Variants in HNRNPK observed in about 807,000 individuals in gnomAD.
HNRNPK encodes dC-stretch binding protein.
In HNRNPK, 7 loss-of-function variants were observed where a neutral mutation model predicts 67.0. The ratio of observed to expected loss-of-function variants is 0.10; its 90% confidence interval spans 0.06 to 0.20. The LOEUF (loss-of-function observed/expected upper bound fraction) is 0.20. HNRNPK is among the 10% of genes least tolerant of loss of function. The probability of loss-of-function intolerance (pLI) is 1.00; values close to 1 mark genes in which losing one functional copy is unlikely to be tolerated. For synonymous variants in HNRNPK, 213 were observed against 193.7 expected, an observed-to-expected ratio of 1.10 and a Z score of -0.83; for missense variants, 264 against 606.5, an observed-to-expected ratio of 0.44 and a Z score of 5.93.
chr9:83,977,567 A>G (rs1437275907), intron 4 of HNRNPK, 122 bp downstream of exon 4: 7 of 611,756 alleles, frequency 1.1e-5, no homozygotes, highest in Non-Finnish European at 1.1e-5. Context: ...GTCTGTTTAG[A>G]AAGAACCAAA....
At chr9:83,970,098 A>G (rs1370134934) in intron 16 of HNRNPK, 64 bp downstream of exon 16, 1 of 1,356,456 alleles carries the variant, frequency 7.4e-7, no homozygotes, top group East Asian at 2.3e-5. Flanking sequence ...AAATCAATTG[A>G]GAAGAAAAGC....
intron 1 of HNRNPK, 95 bp from the exon 2 acceptor site, chr9:83,978,547 A>T: frequency 3.7e-6 from 1 of 272,116 alleles, no homozygotes; most frequent in Non-Finnish European, 6.5e-6. Context: ...GAACCCAAAA[A>T]ACCAGCTGTT....
chr9:83,974,939 G>C (rs1194921630), intron 6 of HNRNPK, among the ~76,000 whole-genome samples: 1 of 152,206 alleles, frequency 6.6e-6, no homozygotes, highest in African/African-American at 2.4e-5. Context: ...GGTAAAACTG[G>C]CACACCTTCT....
chr9:83,970,997 G>C (rs560688238), intron 13 of HNRNPK, 85 bp from the exon 14 acceptor site: 1 of 1,362,968 alleles, frequency 7.3e-7, no homozygotes, highest in African/African-American at 1.4e-5. Context: ...TAATAAAATG[G>C]AGTCTTGCTA....
chr9:83,971,399 T>C (rs372452841), intron 12 of HNRNPK, 43 bp from the exon 13 acceptor site: 4 of 1,345,700 alleles, frequency 3.0e-6, no homozygotes, highest in South Asian at 1.2e-5. Context: ...CATTGTATTT[T>C]GTTATAGAGC....
intron 12 of HNRNPK, 125 bp downstream of exon 12, chr9:83,971,547 A>C: frequency 1.2e-6 from 1 of 853,564 alleles, no homozygotes. Flanking sequence ...TTATTTAACT[A>C]GTAATCCAAA....
At position 83,969,270 on chromosome 9, in the gene HNRNPK, G is replaced by A; in HGVS notation, c.*137C>T. ...TACACCTCAAATGCAGAACACCTAT[G>A]AAGCAGAGGAATGTTGGCTTTTTAA... On this transcript the variant is annotated 3_prime_UTR_variant, in exon 17 of 17. Transcript: ENST00000376263. 1.4e-6 allele frequency: 1 copy of A among 738,004 alleles called. No individual in the cohort carries two copies. The highest frequency in any genetic ancestry group is 1.5e-5 in the South Asian group (1 of 66,448). 45.7% of individuals were successfully genotyped at this position (738,004 alleles called of 1,614,324 possible).
At chr9:83,977,539 A>C in intron 4 of HNRNPK, 150 bp downstream of exon 4, 1 of 564,928 alleles carries the variant, frequency 1.8e-6, no homozygotes. Context: ...GGAATAAGAA[A>C]ACCACCAGAG....
At chr9:83,975,395 A>C in intron 6 of HNRNPK, 67 bp downstream of exon 6, 1 of 1,333,668 alleles carries the variant, frequency 7.5e-7, no homozygotes. Context: ...ATTATATAAA[A>C]GGCAGGTAAT....
chr9:83,977,823 G>T, intron 3 of HNRNPK, 37 bp from the exon 4 acceptor site: 1 of 1,313,096 alleles, frequency 7.6e-7, no homozygotes, highest in East Asian at 2.3e-5. Flanking sequence ...AGAAAGCAGC[G>T]AAGTCTCCAA....
At chr9:83,978,608 A>C (rs1235254019) in intron 1 of HNRNPK, among the ~76,000 whole-genome samples, 156 bp from the exon 2 acceptor site, 1 of 152,184 alleles carries the variant, frequency 6.6e-6, no homozygotes, top group African/African-American at 2.4e-5. Context: ...ATGACTGCCT[A>C]AAAAATACAA....
Position 83,977,176 on chromosome 9 carries a change from G to A in HNRNPK, c.157-125C>T, listed in dbSNP as rs373379318. On this transcript the variant is annotated intron_variant, in intron 4 of 16. Transcript: ENST00000376263. ...TTATAAGAATAAAAATCTATTTGGG[G>A]TTGTAAAAACGACCAGGCCAAAACC... 4.5e-6 allele frequency: 3 copies of A among 669,854 alleles called. 1 individual carries two copies. The allele number at this position is 669,854 out of a possible 1,614,324, so 41.5% of individuals were successfully genotyped here. A position where few individuals can be genotyped will look rare whatever the true frequency, so the allele number is the denominator to read the frequency against.
Position 83,976,853 on chromosome 9 carries a change from G to A in HNRNPK, c.213+142C>T, listed in dbSNP as rs9987602. On this transcript the variant is annotated intron_variant, in intron 5 of 16. Transcript: ENST00000376263. ...TGTTAAAACAGGAATGGATAACTTC[G>A]AAATCAATTCTGTAATAATAAATTA... 1.2e-3 allele frequency: 644 copies of A among 528,852 alleles called. 4 individuals carry two copies. Among genetic ancestry groups the A allele is most frequent in the African/African-American group, 0.01 (545 of 52,080 alleles). 32.8% of individuals were successfully genotyped at this position (528,852 alleles called of 1,614,324 possible).
At chr9:83,976,902 C>A in intron 5 of HNRNPK, 93 bp downstream of exon 5, 5 of 701,814 alleles carry the variant, frequency 7.1e-6, no homozygotes, top group Admixed American at 2.5e-5. Context: ...TGTAGCTAAA[C>A]TATGAAATGA....
chr9:83,971,843 G>A, intron 11 of HNRNPK, 39 bp downstream of exon 11: 2 of 1,561,086 alleles, frequency 1.3e-6, no homozygotes, highest in East Asian at 4.5e-5. Flanking sequence ...TTCATAGATG[G>A]GGGAAGAAAA....
In HNRNPK at chr9:83,970,921, A is replaced by G; in HGVS notation, c.1093-9T>C. 1 of 1,612,046 alleles carries G rather than the reference A, an allele frequency of 6.2e-7. No homozygotes were observed. Among genetic ancestry groups the G allele is most frequent in the South Asian group, 1.1e-5 (1 of 90,938 alleles). Reference sequence around the variant, plus strand: ...CCATATCCGGAGCCACCCTAAAAACAGAAAGAAAAAAATAGAAAATTACTT... The same window carrying G: ...CCATATCCGGAGCCACCCTAAAAACGGAAAGAAAAAAATAGAAAATTACTT... On this transcript the variant is annotated splice_polypyrimidine_tract_variant and intron_variant, in intron 13 of 16. Coordinates refer to ENST00000376263, the MANE Select transcript of HNRNPK (RefSeq NM_031263.4).
At chr9:83,972,673 C>A (rs910725529) in intron 10 of HNRNPK, among the ~76,000 whole-genome samples, 171 bp downstream of exon 10, 1 of 152,208 alleles carries the variant, frequency 6.6e-6, no homozygotes, top group Non-Finnish European at 1.5e-5. Context: ...CCACTCTCCA[C>A]TTTTTCAAAA....
At chr9:83,977,544 C>T in intron 4 of HNRNPK, 145 bp downstream of exon 4, 1 of 572,718 alleles carries the variant, frequency 1.7e-6, no homozygotes, top group Non-Finnish European at 3.0e-6. Flanking sequence ...AAGAAAACCA[C>T]CAGAGCCTTC....
intron 13 of HNRNPK, 166 bp from the exon 14 acceptor site, chr9:83,971,078 A>T: frequency 1.3e-6 from 1 of 752,520 alleles, no homozygotes; most frequent in Non-Finnish European, 2.3e-6. Flanking sequence ...TGTAGTTGGG[A>T]TTATGAGTGA....
Sources: allele counts gnomAD v4.1 joint callset (sites outside exome capture counted in the v4.1 genomes callset), GRCh38; gene constraint gnomAD v4.1.1; transcripts MANE v1.5; gene names NCBI Gene and HGNC (gene_info 2026-07-23, HGNC 2026-07-21).